Variants in KCNB2 observed in about 807,000 individuals in gnomAD.
KCNB2 encodes delayed rectifier potassium channel protein.
In KCNB2, 15 loss-of-function variants were observed where a neutral mutation model predicts 61.5. The ratio of observed to expected loss-of-function variants is 0.24; its 90% CI spans 0.16 to 0.38. The LOEUF is 0.38. KCNB2 is among the 10% of genes least tolerant of loss of function. The pLI is 1.00. For missense variants in KCNB2, 828 were observed against 1,125.2 expected, an observed-to-expected ratio of 0.74 and a Z score of 3.78; for synonymous variants, 457 against 446.0, an observed-to-expected ratio of 1.02 and a Z score of -0.31.
At chr8:72,826,921 T>G (rs1389808081) in intron 2 of KCNB2, among the ~76,000 whole-genome samples, 1 of 152,212 alleles carries the variant, frequency 6.6e-6, no homozygotes, top group Non-Finnish European at 1.5e-5. Flanking sequence ...AGCATCTTTG[T>G]ATTGCTTTTG....
chr8:72,562,329 G>A (rs1221374094), intron 1 of KCNB2, among the ~76,000 whole-genome samples: 3 of 152,150 alleles, frequency 2.0e-5, no homozygotes, highest in Non-Finnish European at 4.4e-5. Context: ...ATGCCATGAT[G>A]AGAAAGTTGT....
At chr8:72,781,481 A>G (rs4738278) in intron 2 of KCNB2, among the ~76,000 whole-genome samples, 50,078 of 151,986 alleles carry the variant, frequency 0.33, 8,652 homozygotes, top group East Asian at 0.55. Context: ...AATCCTTTCC[A>G]CATTGCTTTT....
intron 2 of KCNB2, among the ~76,000 whole-genome samples, chr8:72,622,695 A>C (rs1805731607): frequency 6.6e-6 from 1 of 152,252 alleles, no homozygotes; most frequent in Non-Finnish European, 1.5e-5. Flanking sequence ...ATTATGTAAG[A>C]ATCTGTTAAG....
chr8:72,581,089 C>T (rs1268691609), intron 2 of KCNB2, among the ~76,000 whole-genome samples: 2 of 152,154 alleles, frequency 1.3e-5, no homozygotes, highest in East Asian at 3.8e-4. Context: ...CTGGTCTAGA[C>T]AGGTTGTTCA....
chr8:72,908,049 G>T (rs1008629218), intron 2 of KCNB2, among the ~76,000 whole-genome samples: 5 of 151,912 alleles, frequency 3.3e-5, no homozygotes, highest in Non-Finnish European at 7.4e-5. Flanking sequence ...TGCATAGTTT[G>T]GTTATTCTTC....
intron 2 of KCNB2, among the ~76,000 whole-genome samples, chr8:72,869,186 A>G (rs745687728): frequency 6.6e-6 from 1 of 152,220 alleles, no homozygotes; most frequent in Non-Finnish European, 1.5e-5. Context: ...GATGACAGCA[A>G]CAGGTTTAAG....
chr8:72,637,977 C>T (rs1805993024), intron 2 of KCNB2, among the ~76,000 whole-genome samples: 1 of 152,092 alleles, frequency 6.6e-6, no homozygotes, highest in African/African-American at 2.4e-5. Flanking sequence ...CTCCTCTCAC[C>T]AACTCTGAGA....
chr8:72,886,210 C>G (rs1322225667), intron 2 of KCNB2, among the ~76,000 whole-genome samples: 1 of 152,174 alleles, frequency 6.6e-6, no homozygotes, highest in Non-Finnish European at 1.5e-5. Flanking sequence ...CCTCTTCACT[C>G]ATCTCTTGAC....
intron 1 of KCNB2, among the ~76,000 whole-genome samples, chr8:72,556,080 A>G (rs1212905809): frequency 6.6e-6 from 1 of 152,132 alleles, no homozygotes; most frequent in South Asian, 2.1e-4. Context: ...AGACTGCATC[A>G]TCTGGTACAA....
intron 2 of KCNB2, among the ~76,000 whole-genome samples, chr8:72,907,873 A>G (rs1436682256): frequency 6.6e-6 from 1 of 152,190 alleles, no homozygotes. Flanking sequence ...TACAACCTGA[A>G]TTAATAAGTT....
chr8:72,927,263 TTTTC>T (rs1308133201), intron 2 of KCNB2, among the ~76,000 whole-genome samples: 1 of 118,064 alleles, frequency 8.5e-6, no homozygotes, highest in African/African-American at 2.9e-5. Flanking sequence ...ACCCCCACTC[TTTTC>T]TTTCTTTTTT....
chr8:72,834,248 A>G (rs1414695671), intron 2 of KCNB2, among the ~76,000 whole-genome samples: 1 of 152,176 alleles, frequency 6.6e-6, no homozygotes, highest in African/African-American at 2.4e-5. Context: ...AAAATATCTC[A>G]TTATACTAAT....
intron 2 of KCNB2, among the ~76,000 whole-genome samples, chr8:72,684,241 A>G (rs878908120): frequency 6.6e-6 from 1 of 152,250 alleles, no homozygotes; most frequent in Admixed American, 6.5e-5. Flanking sequence ...GCGTGTGGTC[A>G]CTAATAGAAG....
At position 72,588,446 on chromosome 8, in the gene KCNB2, G is replaced by A. The variant is rs914652463; in HGVS notation, c.579+20133G>A. Among the ~76,000 whole-genome samples the A allele has an allele frequency of 6.6e-5, 10 of 151,764 alleles. 1 individual carries two copies. Among genetic ancestry groups the A allele is most frequent in the African/African-American group, 1.5e-4 (6 of 41,318 alleles). On this transcript the variant is annotated intron_variant, in intron 2 of 2. Transcript: ENST00000523207. Reference sequence around the variant, plus strand: ...TGGTCAGGCTGACCTCAGGTGATCCGCCGACCTCAGGTGATCCGCCAACCC... The same window carrying A: ...TGGTCAGGCTGACCTCAGGTGATCCACCGACCTCAGGTGATCCGCCAACCC...
chr8:72,595,506 A>G (rs2128981847), intron 2 of KCNB2, among the ~76,000 whole-genome samples: 1 of 151,780 alleles, frequency 6.6e-6, no homozygotes, highest in East Asian at 2.0e-4. Flanking sequence ...TTGTATTTTT[A>G]GTAGAGACGG....
intron 2 of KCNB2, among the ~76,000 whole-genome samples, chr8:72,820,215 C>T (rs1279410779): frequency 6.6e-6 from 1 of 152,186 alleles, no homozygotes; most frequent in Non-Finnish European, 1.5e-5. Context: ...TGCATGGCTA[C>T]TTTTGCCACA....
At chr8:72,750,055 A>G (rs1808161993) in intron 2 of KCNB2, among the ~76,000 whole-genome samples, 1 of 151,860 alleles carries the variant, frequency 6.6e-6, no homozygotes, top group African/African-American at 2.4e-5. Flanking sequence ...GACTTAAACT[A>G]CATACTCCTT....
At chr8:72,621,537 T>C (rs569265240) in intron 2 of KCNB2, among the ~76,000 whole-genome samples, 2 of 152,294 alleles carry the variant, frequency 1.3e-5, no homozygotes, top group South Asian at 4.1e-4. Flanking sequence ...ATTATTTATT[T>C]ATAATTTTTT....
At chr8:72,620,564 T>C (rs1805699213) in intron 2 of KCNB2, among the ~76,000 whole-genome samples, 1 of 152,148 alleles carries the variant, frequency 6.6e-6, no homozygotes, top group Non-Finnish European at 1.5e-5. Flanking sequence ...TTAGCAACAT[T>C]GTTGTCCAAA....
Sources: allele counts gnomAD v4.1 joint callset (sites outside exome capture counted in the v4.1 genomes callset), GRCh38; gene constraint gnomAD v4.1.1; transcripts MANE v1.5; gene names NCBI Gene and HGNC (gene_info 2026-07-23, HGNC 2026-07-21).